NDNF: variants seen among roughly 807,000 people sequenced by gnomAD.
NDNF encodes the protein protein NDNF.
A neutral mutation model predicts 42.0 loss-of-function variants in NDNF; 16 were observed. The ratio of observed to expected loss-of-function variants is 0.38; its 90% CI spans 0.26 to 0.58. The LOEUF is 0.58. Among genes scored for constraint, NDNF ranks in the 20% least tolerant of loss-of-function variants. The probability of loss-of-function intolerance (pLI) is 0.67; values close to 1 mark genes in which losing one functional copy is unlikely to be tolerated. For synonymous variants in NDNF, 248 were observed against 251.7 expected, an observed-to-expected ratio of 0.99 and a Z score of 0.14; for missense variants, 616 against 666.2, an observed-to-expected ratio of 0.92 and a Z score of 0.83.
intron 1 of NDNF, among the ~76,000 whole-genome samples, chr4:121,068,717 C>G (rs1012823344): frequency 7.4e-5 from 11 of 148,914 alleles, no homozygotes; most frequent in African/African-American, 2.7e-4. Flanking sequence ...AAAAGTGAGA[C>G]AGAGAGAGAG....
In NDNF at chr4:121,036,434, C is replaced by A. The variant is rs1013457950; in HGVS notation, c.1537G>T (p.Val513Phe). 40 of 1,614,154 alleles carry A rather than the reference C, an allele frequency of 2.5e-5. 1 individual carries two copies. The Middle Eastern group carries it at 5.1e-3, about 206-fold the overall frequency. The change falls in exon 4 of 4, where the codon GTC (valine) becomes TTC (phenylalanine). Residue 513 changes from valine to phenylalanine, a missense_variant. Physicochemically the swap from Val to Phe is conservative, Grantham distance 50. Transcript: ENST00000379692. The part of the protein sequence containing the change: ...GPDIRKKSEK[V>F]LCKYFHSQNL... ...TGACTGTGGAAATATTTACAGAGGACCTTTTCTGACTTCTTCCTTATATCT... is the reference window on the plus strand; with the variant it reads ...TGACTGTGGAAATATTTACAGAGGAACTTTTCTGACTTCTTCCTTATATCT...
rs769002924 is a variant in NDNF, at chr4:121,036,308, C to T, written c.1663G>A (p.Val555Ile). 1.9e-6 allele frequency: 3 copies of T among 1,612,844 alleles called. No homozygotes were observed. The highest frequency in any genetic ancestry group is 1.1e-5 in the South Asian group (1 of 90,742). Reference protein sequence around the residue: ...VYVIGHGGHSVKYQSKVVKTR... With the variant: ...VYVIGHGGHSIKYQSKVVKTR... Reference sequence around the variant, plus strand: ...TTCACAACCTTACTCTGATACTTTACAGAGTGCCCCCCATGTCCTATGACA... The same window carrying T: ...TTCACAACCTTACTCTGATACTTTATAGAGTGCCCCCCATGTCCTATGACA... The change falls in exon 4 of 4, where the codon GTA (valine) becomes ATA (isoleucine). Residue 555 changes from valine to isoleucine, a missense_variant. Transcript: ENST00000379692.
chr4:121,050,784 C>T (rs923443225), intron 1 of NDNF, among the ~76,000 whole-genome samples: 1 of 152,060 alleles, frequency 6.6e-6, no homozygotes, highest in Admixed American at 6.5e-5. Flanking sequence ...TCAGATCCTG[C>T]TAAAACTGAG....
chr4:121,053,544 G>C (rs1727236205), intron 1 of NDNF, among the ~76,000 whole-genome samples: 1 of 152,174 alleles, frequency 6.6e-6, no homozygotes, highest in Non-Finnish European at 1.5e-5. Flanking sequence ...AATTCAGGAA[G>C]CCAGACCCAT....
intron 1 of NDNF, among the ~76,000 whole-genome samples, chr4:121,050,682 G>C (rs1727178512): frequency 6.6e-6 from 1 of 152,110 alleles, no homozygotes; most frequent in South Asian, 2.1e-4. Flanking sequence ...TGTTTCAATT[G>C]AAAAGTTCTA....
At chr4:121,059,570 C>T (rs181446107) in intron 1 of NDNF, among the ~76,000 whole-genome samples, 32 of 152,240 alleles carry the variant, frequency 2.1e-4, no homozygotes, top group African/African-American at 7.2e-4. Context: ...CTGGATGGTC[C>T]GGGAGCCTGG....
intron 3 of NDNF, among the ~76,000 whole-genome samples, chr4:121,039,186 GTGTGTGTATATA>G (rs1407449555): frequency 1.2e-3 from 19 of 16,404 alleles, no homozygotes; most frequent in Admixed American, 2.5e-3. Context: ...CTATGTGTGT[GTGTGTGTATATA>G]TATATATATA....
intron 1 of NDNF, among the ~76,000 whole-genome samples, chr4:121,055,351 A>G (rs1727274236): frequency 6.6e-6 from 1 of 152,118 alleles, no homozygotes; most frequent in Non-Finnish European, 1.5e-5. Context: ...AAAACTGGGG[A>G]TATGCTTTGC....
intron 1 of NDNF, among the ~76,000 whole-genome samples, chr4:121,064,621 G>A (rs573027328): frequency 1.6e-4 from 25 of 152,200 alleles, no homozygotes; most frequent in African/African-American, 6.0e-4. Flanking sequence ...TAATTTGAGA[G>A]CTTTTTCAGC....
In NDNF at chr4:121,045,761, T is replaced by A; in HGVS notation, c.77A>T (p.Asp26Val). The change falls in exon 2 of 4, where the codon GAT becomes GTT. Residue 26 changes from aspartate to valine, a missense_variant. Asp to Val is a radical substitution (Grantham distance 152). Transcript: ENST00000379692. Reference sequence around the variant, plus strand: ...GATCTGCATCTGAAAAAGTTCCTCATCCCGGGTGGGTAACTTCTGGGTCCT... The same window carrying A: ...GATCTGCATCTGAAAAAGTTCCTCAACCCGGGTGGGTAACTTCTGGGTCCT... ...SSRTQKLPTR[D>V]EELFQMQIRD... 6.2e-7 allele frequency: 1 copy of A among 1,614,120 alleles called. No individual in the cohort carries two copies. The highest frequency in any genetic ancestry group is 8.5e-7 in the Non-Finnish European group (1 of 1,180,028).
intron 1 of NDNF, among the ~76,000 whole-genome samples, chr4:121,058,161 TTAGA>T (rs1370847739): frequency 1.3e-5 from 2 of 152,218 alleles, no homozygotes; most frequent in Admixed American, 6.5e-5. Context: ...AAAGTAGGCA[TTAGA>T]TAAATATTTG....
chr4:121,059,252 TGATA>T (rs1399306725), intron 1 of NDNF, among the ~76,000 whole-genome samples: 2 of 152,204 alleles, frequency 1.3e-5, no homozygotes, highest in African/African-American at 2.4e-5. Flanking sequence ...GTACTATAAC[TGATA>T]GATAGTATTG....
At chr4:121,071,882 G>C (rs1398862461) in intron 1 of NDNF, 111 bp downstream of exon 1, 2 of 151,954 alleles carry the variant, frequency 1.3e-5, no homozygotes, top group African/African-American at 4.8e-5. Flanking sequence ...CGCGTGCCTC[G>C]AGCCCCCATC....
At chr4:121,046,842 A>C (rs1348976264) in intron 1 of NDNF, among the ~76,000 whole-genome samples, 1 of 152,198 alleles carries the variant, frequency 6.6e-6, no homozygotes, top group Non-Finnish European at 1.5e-5. Context: ...AGGAAGCCCC[A>C]GGTAGGCAAG....
intron 1 of NDNF, among the ~76,000 whole-genome samples, chr4:121,047,152 C>T (rs1727108354): frequency 6.6e-6 from 1 of 152,146 alleles, no homozygotes; most frequent in Non-Finnish European, 1.5e-5. Context: ...TCTTTGAATG[C>T]TATCAAAAAT....
In NDNF at chr4:121,036,906, A is replaced by C. The variant is rs1201832165; in HGVS notation, c.1065T>G (p.Val355=). 1 of 1,613,978 alleles carries C rather than the reference A, an allele frequency of 6.2e-7. No homozygotes were observed. Among genetic ancestry groups the C allele is most frequent in the Non-Finnish European group, 8.5e-7 (1 of 1,180,000 alleles). The change falls in exon 4 of 4, where the codon GTT becomes GTG. Residue 355 remains valine (V), a synonymous_variant. Transcript: ENST00000379692. ...GTAGAAACTTTGCTCCCTTCCTTTT[A>C]ACAAATACATCTGTTATCTTCCCAT... is the stretch of plus-strand genomic sequence containing the variant. The part of the protein sequence containing the change: ...LKDGKITDVF[V]KRKGAKFLRF...
chr4:121,045,548 G>C, intron 2 of NDNF, 102 bp downstream of exon 2: 1 of 973,242 alleles, frequency 1.0e-6, no homozygotes, highest in Non-Finnish European at 1.5e-6. Flanking sequence ...GCCATTCATA[G>C]GTTGATTTGT....
At chr4:121,047,645 T>A (rs967214897) in intron 1 of NDNF, among the ~76,000 whole-genome samples, 13 of 152,188 alleles carry the variant, frequency 8.5e-5, no homozygotes, top group Admixed American at 7.2e-4. Context: ...TAGCTTCAGT[T>A]CCTTACTAGA....
intron 1 of NDNF, among the ~76,000 whole-genome samples, chr4:121,069,877 A>T (rs1186592119): frequency 1.3e-5 from 2 of 152,180 alleles, no homozygotes; most frequent in African/African-American, 4.8e-5. Context: ...GGAATAAATG[A>T]TGGGGTATTT....
Sources: allele counts gnomAD v4.1 joint callset (sites outside exome capture counted in the v4.1 genomes callset), GRCh38; gene constraint gnomAD v4.1.1; transcripts MANE v1.5; gene names NCBI Gene and HGNC (gene_info 2026-07-23, HGNC 2026-07-21).